TMEM132B: variants seen among roughly 807,000 people sequenced by gnomAD.
TMEM132B encodes transmembrane protein 132B.
TMEM132B carries 18 observed loss-of-function variants against 90.8 expected under a neutral mutation model. That is an observed-to-expected ratio of 0.20 (90% CI 0.14 to 0.29). TMEM132B has a LOEUF of 0.29. Ranked by LOEUF, TMEM132B falls within the 10% of genes least tolerant of loss-of-function variation. TMEM132B has a pLI of 1.00. For missense variants in TMEM132B, 1,096 were observed against 1,326.8 expected (o/e 0.83, Z 2.70); for synonymous variants, 504 against 523.3 (o/e 0.96, Z 0.50).
chr12:125,374,632 C>T (rs976123536), intron 2 of TMEM132B, among the ~76,000 whole-genome samples: 2 of 151,818 alleles, frequency 1.3e-5, no homozygotes, highest in Non-Finnish European at 2.9e-5. Context: ...CTCTGCCCTG[C>T]ACCCCCCGAC....
At position 125,222,505 on chromosome 12, in the gene TMEM132B, A is replaced by T. The variant is rs567909196; in HGVS notation, c.67+35639A>T. Among the ~76,000 whole-genome samples the T allele has an allele frequency of 3.2e-3, 484 of 152,290 alleles. 5 individuals carry two copies. The highest frequency in any genetic ancestry group is 0.011 in the African/African-American group (455 of 41,554). On this transcript the variant is annotated intron_variant, in intron 1 of 8. Transcript: ENST00000682704. The stretch of plus-strand genomic sequence containing the variant: ...CATAAATATAGGGACTCCATACAGC[A>T]ATATGGGGGATTTTCACTTTCTGAA...
intron 1 of TMEM132B, among the ~76,000 whole-genome samples, chr12:125,316,250 T>G (rs1876269101): frequency 6.6e-6 from 1 of 152,276 alleles, no homozygotes; most frequent in Non-Finnish European, 1.5e-5. Flanking sequence ...TACAGGACAG[T>G]CCTATGGGCA....
chr12:125,287,041 G>A (rs1025504274), intron 1 of TMEM132B, among the ~76,000 whole-genome samples: 2 of 149,590 alleles, frequency 1.3e-5, no homozygotes, highest in African/African-American at 2.5e-5. Context: ...CTTTCTGGAG[G>A]CTGCTTGCAT....
chr12:125,191,107 A>AGGG (rs1423555985), intron 1 of TMEM132B, among the ~76,000 whole-genome samples: 5 of 11,570 alleles, frequency 4.3e-4, no homozygotes, highest in Admixed American at 1.1e-3. Context: ...GTGATGGGGA[A>AGGG]GGGGTGGTGG....
intron 5 of TMEM132B, among the ~76,000 whole-genome samples, chr12:125,621,264 T>C (rs1886105133): frequency 6.6e-6 from 1 of 152,238 alleles, no homozygotes; most frequent in African/African-American, 2.4e-5. Flanking sequence ...AAGGTGATGT[T>C]TGAGCCGTGT....
chr12:125,549,135 T>G (rs1240419816), intron 4 of TMEM132B, among the ~76,000 whole-genome samples: 7 of 152,236 alleles, frequency 4.6e-5, no homozygotes, highest in African/African-American at 1.7e-4. Context: ...AAATGTCACT[T>G]CATAGGGCAG....
chr12:125,584,021 C>T (rs1456816287), intron 5 of TMEM132B, 27 bp downstream of exon 5: 2 of 1,613,922 alleles, frequency 1.2e-6, no homozygotes, highest in Middle Eastern at 1.7e-4. Flanking sequence ...CTACAGCTGT[C>T]CTAAGTGCTC....
intron 5 of TMEM132B, among the ~76,000 whole-genome samples, chr12:125,617,535 G>A (rs992483144): frequency 3.9e-5 from 6 of 151,912 alleles, no homozygotes; most frequent in African/African-American, 1.5e-4. Context: ...AGTAGAGACG[G>A]GGTTTCTCCA....
At position 125,330,333 on chromosome 12, in the gene TMEM132B, C is replaced by CTTTCTTTTTT. The variant is rs1325064469; in HGVS notation, c.68-19116_68-19115insCTTTTTTTTT. Among the ~76,000 whole-genome samples the CTTTCTTTTTT allele has an allele frequency of 7.2e-5, 9 of 124,458 alleles. 1 individual carries two copies. Among genetic ancestry groups the CTTTCTTTTTT allele is most frequent in the African/African-American group, 2.3e-4 (8 of 35,330 alleles). 81.6% of individuals were successfully genotyped at this position (124,458 alleles called of 152,430 possible). A position where few individuals can be genotyped will look rare whatever the true frequency, so the allele number is the denominator to read the frequency against. ...TAGTCGTGCTTTGTTTAAGGGGTTT[C>CTTTCTTTTTT]TTTTTTTTTTTTTTTTTTGCAGCCA... On this transcript the variant is annotated intron_variant, in intron 1 of 8. Coordinates refer to ENST00000682704, the MANE Select transcript of TMEM132B (RefSeq NM_001366854.1).
chr12:125,457,152 T>G (rs1190681226), intron 3 of TMEM132B, among the ~76,000 whole-genome samples: 1 of 152,178 alleles, frequency 6.6e-6, no homozygotes, highest in Non-Finnish European at 1.5e-5. Context: ...TAAAGCTGCA[T>G]GTACAGCAAG....
At chr12:125,307,928 CT>C (rs1241306490) in intron 1 of TMEM132B, among the ~76,000 whole-genome samples, 2 of 128,236 alleles carry the variant, frequency 1.6e-5, no homozygotes, top group Non-Finnish European at 3.1e-5. Flanking sequence ...ACTTATATTA[CT>C]TAATATATAC....
intron 4 of TMEM132B, among the ~76,000 whole-genome samples, chr12:125,558,853 A>C (rs890450996): frequency 2.0e-5 from 3 of 152,196 alleles, no homozygotes; most frequent in African/African-American, 7.2e-5. Flanking sequence ...GGGCAAATGA[A>C]CTTGACAAAC....
intron 5 of TMEM132B, among the ~76,000 whole-genome samples, chr12:125,617,147 C>G (rs1886007276): frequency 6.6e-6 from 1 of 152,204 alleles, no homozygotes; most frequent in Admixed American, 6.5e-5. Flanking sequence ...TTTTACCACT[C>G]TGGGTACTGA....
At chr12:125,553,492 G>A (rs979206079) in intron 4 of TMEM132B, among the ~76,000 whole-genome samples, 1 of 152,200 alleles carries the variant, frequency 6.6e-6, no homozygotes, top group African/African-American at 2.4e-5. Flanking sequence ...GAGCAGGTCC[G>A]CTGGGGCTCA....
At chr12:125,448,238 A>G (rs1881057457) in intron 3 of TMEM132B, among the ~76,000 whole-genome samples, 1 of 152,068 alleles carries the variant, frequency 6.6e-6, no homozygotes, top group Admixed American at 6.5e-5. Flanking sequence ...AACAAGAGCA[A>G]AACTCTGTCT....
At chr12:125,577,190 C>T (rs1243027114) in intron 4 of TMEM132B, among the ~76,000 whole-genome samples, 1 of 151,546 alleles carries the variant, frequency 6.6e-6, no homozygotes, top group Non-Finnish European at 1.5e-5. Flanking sequence ...ATTGAAATTC[C>T]AATTTCCTCT....
At chr12:125,261,636 T>G (rs1874570589) in intron 1 of TMEM132B, among the ~76,000 whole-genome samples, 1 of 152,228 alleles carries the variant, frequency 6.6e-6, no homozygotes, top group South Asian at 2.1e-4. Flanking sequence ...AGCTATGTGA[T>G]TAACCAACGG....
Position 125,415,431 on chromosome 12 carries a change from G to A in TMEM132B, c.960-100G>A. On this transcript the variant is annotated intron_variant, in intron 2 of 8. Coordinates refer to ENST00000682704, the MANE Select transcript of TMEM132B (RefSeq NM_001366854.1). This position sits in a 1 kb window ranked among gnomAD's most constrained non-coding sequence, Gnocchi z 5.3. ...CCCAGAGGAAGGGGGCGATGTTACA[G>A]ATGCTTTCCCAGTGATCTGCTCTCG... is the stretch of plus-strand genomic sequence containing the variant. 2.8e-6 allele frequency: 4 copies of A among 1,420,394 alleles called. No homozygotes were observed. The highest frequency in any genetic ancestry group is 3.8e-6 in the Non-Finnish European group (4 of 1,055,796). The allele number at this position is 1,420,394 out of a possible 1,614,324, so 88.0% of individuals were successfully genotyped here. A position where few individuals can be genotyped will look rare whatever the true frequency, so the allele number is the denominator to read the frequency against.
In TMEM132B at chr12:125,595,945, C is replaced by G. The variant is rs1331060352; in HGVS notation, c.1437+11951C>G. Among the ~76,000 whole-genome samples the G allele has an allele frequency of 2.0e-5, 3 of 150,116 alleles. No homozygotes were observed. In the Admixed American group the frequency reaches 2.0e-4, roughly 10 times the overall value. Reference sequence around the variant, plus strand: ...CCTGAGTGGTTAAGATTACTTTTCACAGACAAACACATGTCCTCTTTTTTT... The same window carrying G: ...CCTGAGTGGTTAAGATTACTTTTCAGAGACAAACACATGTCCTCTTTTTTT... On this transcript the variant is annotated intron_variant, in intron 5 of 8. Coordinates refer to ENST00000682704, the MANE Select transcript of TMEM132B (RefSeq NM_001366854.1).
Sources: gnomAD v4.1 joint callset for allele counts (sites outside exome capture counted in the v4.1 genomes callset) on GRCh38, gnomAD v4.1.1 for gene constraint, Gnocchi (gnomAD v3.1) non-coding constraint, MANE v1.5 for transcripts, NCBI Gene and HGNC (gene_info 2026-07-23, HGNC 2026-07-21) for gene names.